The following RBFOX2 variants were observed in gnomAD, a reference collection of about 807,000 sequenced individuals.
RBFOX2 encodes the protein RNA binding protein fox-1 homolog 2.
Under a neutral mutation model 49.1 loss-of-function variants are expected in RBFOX2, and 10 were observed. The observed-to-expected ratio is 0.20, with a 90% CI of 0.13 to 0.35. RBFOX2 has a LOEUF of 0.35. RBFOX2 is among the 10% of genes least tolerant of loss of function. The pLI, the probability that RBFOX2 is intolerant of heterozygous loss-of-function variation, is 1.00. For missense variants in RBFOX2, 323 were observed against 486.9 expected, an observed-to-expected ratio of 0.66 and a Z score of 3.17; for synonymous variants, 183 against 187.4, an observed-to-expected ratio of 0.98 and a Z score of 0.19.
At chr22:35,977,605 G>A (rs897019137) in intron 1 of RBFOX2, among the ~76,000 whole-genome samples, 3 of 151,212 alleles carry the variant, frequency 2.0e-5, no homozygotes, top group African/African-American at 7.3e-5. Flanking sequence ...GGTAATGGAC[G>A]CATTTTATAT....
chr22:35,760,134 C>T, intron 8 of RBFOX2, 114 bp from the exon 10 acceptor site: 5 of 1,407,300 alleles, frequency 3.6e-6, no homozygotes, highest in Non-Finnish European at 4.9e-6. Context: ...CGAACCACAC[C>T]TTTTTGGAAA....
chr22:35,777,891 C>G, intron 4 of RBFOX2, 134 bp downstream of exon 5: 2 of 903,870 alleles, frequency 2.2e-6, no homozygotes, highest in Non-Finnish European at 3.3e-6. Context: ...TAGAGATAAT[C>G]TAAACCAAGG....
intron 1 of RBFOX2, among the ~76,000 whole-genome samples, chr22:35,919,789 A>G (rs1410069131): frequency 6.6e-6 from 1 of 152,212 alleles, no homozygotes; most frequent in African/African-American, 2.4e-5. Context: ...TCTTCTAGCC[A>G]TCCCTTGTTT....
At chr22:36,018,340 T>C (rs958349747) in intron 1 of RBFOX2, among the ~76,000 whole-genome samples, 20 of 152,144 alleles carry the variant, frequency 1.3e-4, no homozygotes, top group Admixed American at 1.0e-3. Flanking sequence ...TCCAAACTCA[T>C]TATTAAAGAT....
intron 6 of RBFOX2, among the ~76,000 whole-genome samples, chr22:35,762,044 A>G (rs1939091912): frequency 6.6e-6 from 1 of 152,200 alleles, no homozygotes; most frequent in Non-Finnish European, 1.5e-5. Context: ...AAAAAAGGAA[A>G]GACATGAAAT....
chr22:35,768,764 C>T (rs1381576488), intron 4 of RBFOX2, among the ~76,000 whole-genome samples: 1 of 152,150 alleles, frequency 6.6e-6, no homozygotes, highest in Non-Finnish European at 1.5e-5. Context: ...TAAATTGACT[C>T]TCTGACATCC....
chr22:35,875,464 A>G (rs2044904810), intron 1 of RBFOX2, among the ~76,000 whole-genome samples: 1 of 152,166 alleles, frequency 6.6e-6, no homozygotes, highest in African/African-American at 2.4e-5. Flanking sequence ...GCTTCCCTAA[A>G]GGTACCTACA....
At chr22:35,815,655 T>A (rs1379999164) in intron 1 of RBFOX2, among the ~76,000 whole-genome samples, 2 of 152,208 alleles carry the variant, frequency 1.3e-5, no homozygotes, top group Non-Finnish European at 2.9e-5. Flanking sequence ...AGATCAATAT[T>A]AATTTTATTC....
chr22:35,838,885 A>G lies in RBFOX2; in HGVS notation c.27+1307T>C, dbSNP rs148374430. 8.2e-4 allele frequency among the ~76,000 whole-genome samples: 125 copies of G among 152,364 alleles called. 1 individual carries two copies. The highest frequency in any genetic ancestry group is 5.0e-4 in the African/African-American group (21 of 41,590). ...TGAAACTTCTTTCCTCTGGGTCCCA[A>G]TGGGAAAATATCCCTACAGGTTTCC... On this transcript the variant is annotated intron_variant, in intron 1 of 11. Transcript: ENST00000405409.
intron 8 of RBFOX2, 74 bp downstream of exon 9, chr22:35,761,128 G>GAAA: frequency 3.8e-6 from 4 of 1,051,990 alleles, no homozygotes; most frequent in Non-Finnish European, 5.4e-6. Context: ...ACTGTACTAG[G>GAAA]AAAAAAAAAA....
intron 9 of RBFOX2, among the ~76,000 whole-genome samples, chr22:35,751,830 T>A (rs1481127239): frequency 6.6e-6 from 1 of 152,206 alleles, no homozygotes; most frequent in Non-Finnish European, 1.5e-5. Flanking sequence ...CACCTATTAT[T>A]TCTATGGTAG....
chr22:35,836,471 C>G (rs1267621930), intron 1 of RBFOX2: 2 of 152,292 alleles, frequency 1.3e-5, no homozygotes, highest in African/African-American at 4.8e-5. Context: ...GACAATGGAA[C>G]TGGTGATTCA....
At chr22:35,807,065 A>G in intron 2 of RBFOX2, among the ~76,000 whole-genome samples, 1 of 152,184 alleles carries the variant, frequency 6.6e-6, no homozygotes, top group Non-Finnish European at 1.5e-5. Context: ...CGGCCTCCCA[A>G]AGTGTTGGGA....
exon 12 of RBFOX2, chr22:35,743,508 G>A (rs1930958903): frequency 6.6e-6 from 1 of 152,174 alleles, no homozygotes; most frequent in South Asian, 2.1e-4. Flanking sequence ...AGCACGTTTG[G>A]AAATATCAAT....
chr22:36,016,803 G>T (rs985956156), intron 1 of RBFOX2, among the ~76,000 whole-genome samples: 2 of 152,200 alleles, frequency 1.3e-5, no homozygotes, highest in African/African-American at 4.8e-5. Flanking sequence ...TATTTATCAT[G>T]TGTCCTGTGC....
At chr22:35,817,505 TAAATAAAA>T (rs942685046) in intron 1 of RBFOX2, among the ~76,000 whole-genome samples, 1 of 137,546 alleles carries the variant, frequency 7.3e-6, no homozygotes, top group Non-Finnish European at 1.6e-5. Context: ...AATAAATAAA[TAAATAAAA>T]AGAGAGCATA....
intron 2 of RBFOX2, 89 bp from the exon 4 acceptor site, chr22:35,781,835 G>T (rs1386466306): frequency 8.5e-6 from 13 of 1,527,232 alleles, no homozygotes; most frequent in South Asian, 3.5e-5. Flanking sequence ...CCCAAACAGG[G>T]TATGTTTAAG....
rs76700187 is a variant in RBFOX2 at position 35,967,560 on chromosome 22, G to C, written c.187-28663C>G. Among the ~76,000 whole-genome samples the C allele has an allele frequency of 8.0e-3, 1,220 of 152,274 alleles. 13 individuals carry two copies. The highest frequency in any genetic ancestry group is 0.028 in the African/African-American group (1,175 of 41,550). On this transcript the variant is annotated intron_variant, in intron 1 of 13. Coordinates refer to the RBFOX2 transcript ENST00000438146. ...CAGGGCTGTGTTAGGTGCTACAAGA[G>C]ATGAAAATGGTAAGAGATGTTTCCT...
At chr22:35,775,427 G>C (rs1943635751) in intron 4 of RBFOX2, among the ~76,000 whole-genome samples, 1 of 152,228 alleles carries the variant, frequency 6.6e-6, no homozygotes, top group Non-Finnish European at 1.5e-5. Context: ...ATGGGGCAGT[G>C]AGGACACAGC....
Sources: gnomAD v4.1 joint callset for allele counts (sites outside exome capture counted in the v4.1 genomes callset) on GRCh38, gnomAD v4.1.1 for gene constraint, MANE v1.5 for transcripts, NCBI Gene and HGNC (gene_info 2026-07-23, HGNC 2026-07-21) for gene names.